HDGFL2: variants seen among roughly 807,000 people sequenced by gnomAD.
The protein encoded by HDGFL2 is hepatoma-derived growth factor-related protein 2.
HDGFL2 carries 36 observed loss-of-function variants against 77.1 expected under a neutral mutation model. That is an observed-to-expected ratio of 0.47 (90% CI 0.36 to 0.62). The LOEUF (loss-of-function observed/expected upper bound fraction) is 0.62, where lower values mean the gene tolerates loss of function less well. Ranked by LOEUF, HDGFL2 falls within the 20% of genes least tolerant of loss-of-function variation. The pLI, the probability that HDGFL2 is intolerant of heterozygous loss-of-function variation, is 0.00. For missense variants in HDGFL2, 976 were observed against 973.4 expected (o/e 1.00, Z -0.04); for synonymous variants, 463 against 413.1 (o/e 1.12, Z -1.46).
intron 15 of HDGFL2, 124 bp downstream of exon 15, chr19:4,501,441 T>G: frequency 3.4e-6 from 4 of 1,190,682 alleles, no homozygotes; most frequent in Non-Finnish European, 3.4e-6. Context: ...TCGTCCTTAC[T>G]CGGGCCTCCC....
At chr19:4,496,731 G>A (rs1167156538) in intron 10 of HDGFL2, among the ~76,000 whole-genome samples, 1 of 151,972 alleles carries the variant, frequency 6.6e-6, no homozygotes, top group Admixed American at 6.6e-5. Flanking sequence ...GCCCTGTAGT[G>A]CCCAGGATGA....
intron 3 of HDGFL2, among the ~76,000 whole-genome samples, chr19:4,487,979 T>C (rs1306123352): frequency 1.3e-5 from 2 of 152,040 alleles, no homozygotes; most frequent in East Asian, 3.9e-4. Flanking sequence ...TTTTCTTTTT[T>C]TATTTTTTTG....
intron 9 of HDGFL2, among the ~76,000 whole-genome samples, chr19:4,495,953 G>C (rs1360905299): frequency 6.6e-6 from 1 of 152,184 alleles, no homozygotes; most frequent in African/African-American, 2.4e-5. Flanking sequence ...TGCCTTCTTT[G>C]GGGAAAGCAC....
chr19:4,479,350 G>A (rs1404254319), intron 3 of HDGFL2, among the ~76,000 whole-genome samples: 1 of 149,872 alleles, frequency 6.7e-6, no homozygotes, highest in Non-Finnish European at 1.5e-5. Flanking sequence ...TTGGGAGGCC[G>A]AGGCGGGCAG....
Position 4,496,344 on chromosome 19 carries a change from C to A in HDGFL2, c.1267C>A (p.Pro423Thr). The A allele has an allele frequency of 6.2e-7, 1 of 1,614,144 alleles. No homozygotes were observed. The highest frequency in any genetic ancestry group is 8.5e-7 in the Non-Finnish European group (1 of 1,179,992). Reference sequence around the variant, plus strand: ...GAAGCCGCAGTCCTCAAGCACAGAGCCCGCCAGGAAACCTGGCCAGAAGGA... The same window carrying A: ...GAAGCCGCAGTCCTCAAGCACAGAGACCGCCAGGAAACCTGGCCAGAAGGA... The part of the protein sequence containing the change: ...AKKPQSSSTE[P>T]ARKPGQKEKR... The change falls in exon 10 of 16, where the codon CCC becomes ACC. Residue 423 changes from proline (P) to threonine (T), a missense_variant. By Grantham distance (38) the Pro-to-Thr change is conservative. Around this residue, in one of 5 missense-constraint regions of HDGFL2, gnomAD observed 567 missense variants for 534.7 expected, o/e 1.06. Transcript: ENST00000616600.
At chr19:4,498,200 G>T in intron 11 of HDGFL2, 106 bp from the exon 12 acceptor site, 1 of 1,246,650 alleles carries the variant, frequency 8.0e-7, no homozygotes, top group Non-Finnish European at 1.1e-6. Context: ...TGCAGACCTG[G>T]GGCCCCCATG....
chr19:4,493,911 G>A, intron 7 of HDGFL2, 49 bp downstream of exon 7: 2 of 1,523,270 alleles, frequency 1.3e-6, no homozygotes, highest in South Asian at 1.2e-5. Context: ...CTGCCGGGGC[G>A]CTCCCAGGCA....
intron 3 of HDGFL2, among the ~76,000 whole-genome samples, chr19:4,480,641 C>T (rs1975189217): frequency 6.6e-6 from 1 of 152,070 alleles, no homozygotes; most frequent in Admixed American, 6.6e-5. Context: ...ATCACTTGAA[C>T]TTGGGAGGTG....
intron 3 of HDGFL2, among the ~76,000 whole-genome samples, chr19:4,482,026 C>A (rs1005092195): frequency 7.0e-5 from 5 of 71,660 alleles, no homozygotes; most frequent in African/African-American, 2.4e-4. Flanking sequence ...TGGCTTTGGC[C>A]TTTTTTTTTT....
chr19:4,484,562 C>G (rs983713946), intron 3 of HDGFL2, among the ~76,000 whole-genome samples: 1 of 151,036 alleles, frequency 6.6e-6, no homozygotes, highest in Non-Finnish European at 1.5e-5. Flanking sequence ...TGCAGTGGTG[C>G]GATCTCGGCT....
chr19:4,497,684 C>A (rs534494621), intron 10 of HDGFL2: 215 of 507,464 alleles, frequency 4.2e-4, no homozygotes, highest in South Asian at 2.4e-3. Context: ...ACAAAGCCAG[C>A]CCTTGGCCAT....
intron 3 of HDGFL2, among the ~76,000 whole-genome samples, chr19:4,485,190 C>T (rs1975329377): frequency 6.6e-6 from 1 of 152,180 alleles, no homozygotes; most frequent in Non-Finnish European, 1.5e-5. Context: ...CCTCAGGCAA[C>T]CATGGATCCA....
At chr19:4,496,645 C>T (rs373796238) in intron 10 of HDGFL2, among the ~76,000 whole-genome samples, 5 of 152,154 alleles carry the variant, frequency 3.3e-5, no homozygotes, top group African/African-American at 7.2e-5. Context: ...CGGCCACGTC[C>T]GGGGACATCT....
intron 14 of HDGFL2, 24 bp downstream of exon 14, chr19:4,499,728 C>A: frequency 6.7e-7 from 1 of 1,499,254 alleles, no homozygotes; most frequent in Non-Finnish European, 9.0e-7. Context: ...GGGGTGGGCC[C>A]TGTACCTCAG....
chr19:4,489,306 T>G (rs1367548406), intron 4 of HDGFL2, among the ~76,000 whole-genome samples: 2 of 149,878 alleles, frequency 1.3e-5, no homozygotes, highest in Non-Finnish European at 3.0e-5. Context: ...CAGGCGGGAG[T>G]GCAGTGGCAC....
rs548919228 is a variant in HDGFL2, at chr19:4,486,052, CAA to C, written c.289-2606_289-2605del. Among the ~76,000 whole-genome samples the C allele has an allele frequency of 5.4e-3, 402 of 74,940 alleles. 1 individual carries two copies. The highest frequency in any genetic ancestry group is 0.018 in the African/African-American group (388 of 21,116). 49.2% of individuals were successfully genotyped at this position (74,940 alleles called of 152,430 possible). A position where few individuals can be genotyped will look rare whatever the true frequency, so the allele number is the denominator to read the frequency against. On this transcript the variant is annotated intron_variant, in intron 3 of 15. Transcript: ENST00000616600. ...TGGGTGACAGAGTAAGACCCCGTCT[CAA>C]AAAAAAAAAAAAAAAAACAACAACC...
chr19:4,497,177 C>T (rs1465576468), intron 10 of HDGFL2: 1 of 435,716 alleles, frequency 2.3e-6, no homozygotes, highest in South Asian at 1.6e-5. Context: ...CTGGCTGCAG[C>T]CCACGTTTTT....
chr19:4,486,947 G>A (rs912306006), intron 3 of HDGFL2, among the ~76,000 whole-genome samples: 1 of 151,770 alleles, frequency 6.6e-6, no homozygotes, highest in African/African-American at 2.4e-5. Flanking sequence ...CGATCACCCA[G>A]TGCTAAACAC....
chr19:4,479,514 G>A (rs1264493992), intron 3 of HDGFL2, among the ~76,000 whole-genome samples: 2 of 151,090 alleles, frequency 1.3e-5, no homozygotes, highest in Non-Finnish European at 2.9e-5. Flanking sequence ...CCGGGAGGCG[G>A]AGCTTGCAGT....
Sources: gnomAD v4.1 joint callset for allele counts (sites outside exome capture counted in the v4.1 genomes callset) on GRCh38, gnomAD v4.1.1 for gene constraint, gnomAD v4.1.1 regional missense constraint, MANE v1.5 for transcripts, NCBI Gene and HGNC (gene_info 2026-07-23, HGNC 2026-07-21) for gene names.